CLYBL: variants seen among roughly 807,000 people sequenced by gnomAD.
CLYBL encodes citramalyl-CoA lyase.
Under a neutral mutation model 38.9 loss-of-function variants are expected in CLYBL, and 31 were observed. That is an observed-to-expected ratio of 0.80 (90% CI 0.60 to 1.08). The LOEUF is 1.08. Ranked by LOEUF, CLYBL falls within the 50% of genes least tolerant of loss-of-function variation. The pLI, the probability that CLYBL is intolerant of heterozygous loss-of-function variation, is 0.00. For missense variants in CLYBL, 434 were observed against 411.6 expected, an observed-to-expected ratio of 1.05 and a Z score of -0.47; for synonymous variants, 171 against 158.6, an observed-to-expected ratio of 1.08 and a Z score of -0.59.
At chr13:99,654,807 C>T (rs903274653) in intron 1 of CLYBL, among the ~76,000 whole-genome samples, 3 of 152,138 alleles carry the variant, frequency 2.0e-5, no homozygotes, top group African/African-American at 7.2e-5. Context: ...AGATCTAGAC[C>T]ATCCTGGCTA....
chr13:99,641,302 A>G (rs2047089689), intron 1 of CLYBL, among the ~76,000 whole-genome samples: 1 of 152,226 alleles, frequency 6.6e-6, no homozygotes, highest in South Asian at 2.1e-4. Flanking sequence ...AATCAAAGCT[A>G]TTTAAGTTTG....
intron 2 of CLYBL, among the ~76,000 whole-genome samples, chr13:99,804,573 T>A (rs1222772268): frequency 1.3e-5 from 2 of 152,120 alleles, no homozygotes; most frequent in Non-Finnish European, 2.9e-5. Flanking sequence ...AGCGAAAGGC[T>A]CCCTGCCCTG....
At chr13:99,813,703 A>C (rs540706378) in intron 2 of CLYBL, among the ~76,000 whole-genome samples, 1 of 152,344 alleles carries the variant, frequency 6.6e-6, no homozygotes, top group South Asian at 2.1e-4. Context: ...TATGAGGATT[A>C]AATCAGAATA....
intron 1 of CLYBL, among the ~76,000 whole-genome samples, chr13:99,608,620 G>T (rs1003158991): frequency 1.3e-5 from 2 of 152,036 alleles, no homozygotes; most frequent in Non-Finnish European, 2.9e-5. Flanking sequence ...TCCAGTGAGC[G>T]CACACAGTCC....
chr13:99,686,746 G>C (rs2047823799), intron 1 of CLYBL, among the ~76,000 whole-genome samples: 1 of 152,196 alleles, frequency 6.6e-6, no homozygotes, highest in South Asian at 2.1e-4. Flanking sequence ...TGGAAAACTT[G>C]ACGCAGATTC....
intron 2 of CLYBL, among the ~76,000 whole-genome samples, chr13:99,803,172 T>C (rs757180557): frequency 6.6e-6 from 1 of 152,186 alleles, no homozygotes; most frequent in Non-Finnish European, 1.5e-5. Context: ...CAGTGACAGA[T>C]GTGGAGTGGC....
At chr13:99,777,345 C>A (rs755044295) in intron 2 of CLYBL, among the ~76,000 whole-genome samples, 1 of 152,156 alleles carries the variant, frequency 6.6e-6, no homozygotes, top group Non-Finnish European at 1.5e-5. Flanking sequence ...CCCTCAATAC[C>A]TCCACCTAAC....
intron 8 of CLYBL, among the ~76,000 whole-genome samples, chr13:99,903,702 T>C (rs1215979159): frequency 6.6e-6 from 1 of 152,188 alleles, no homozygotes; most frequent in South Asian, 2.1e-4. Flanking sequence ...CTCCGTGAGG[T>C]TCGCGTCCCG....
intron 1 of CLYBL, among the ~76,000 whole-genome samples, chr13:99,611,013 CA>C (rs906562149): frequency 2.0e-5 from 3 of 152,198 alleles, no homozygotes; most frequent in African/African-American, 4.8e-5. Context: ...CAAGACAGGT[CA>C]AATAGTGACA....
chr13:99,797,040 A>T (rs1364896126), intron 2 of CLYBL, among the ~76,000 whole-genome samples: 1 of 152,204 alleles, frequency 6.6e-6, no homozygotes, highest in Non-Finnish European at 1.5e-5. Context: ...TGTGATCAAT[A>T]TATGGTAGCT....
chr13:99,863,896 T>C (rs998574937), intron 4 of CLYBL, among the ~76,000 whole-genome samples: 10 of 152,200 alleles, frequency 6.6e-5, no homozygotes, highest in Middle Eastern at 3.4e-3. Flanking sequence ...CGAACTGTAC[T>C]GGAGAGAGAA....
intron 2 of CLYBL, among the ~76,000 whole-genome samples, chr13:99,784,447 CTCTTTTTTT>C (rs1165833784): frequency 0.016 from 1,574 of 99,458 alleles, 18 homozygotes; most frequent in Non-Finnish European, 0.027. Context: ...GGAAAATTCT[CTCTTTTTTT>C]TTTTTTTTTT....
intron 1 of CLYBL, among the ~76,000 whole-genome samples, chr13:99,672,946 C>A (rs1390968519): frequency 2.0e-5 from 3 of 152,064 alleles, no homozygotes. Context: ...TCCATGCGCC[C>A]AATGGGTATT....
At chr13:99,659,054 C>T (rs1192492083) in intron 1 of CLYBL, among the ~76,000 whole-genome samples, 1 of 152,160 alleles carries the variant, frequency 6.6e-6, no homozygotes, top group African/African-American at 2.4e-5. Flanking sequence ...AAAGGTCTAA[C>T]TTTATATCAC....
chr13:99,867,357 C>T (rs1328989833), intron 6 of CLYBL, among the ~76,000 whole-genome samples: 1 of 152,066 alleles, frequency 6.6e-6, no homozygotes, highest in African/African-American at 2.4e-5. Flanking sequence ...CAGGCTTAAA[C>T]GTGAAAAATA....
chr13:99,871,193 C>A, intron 7 of CLYBL, 131 bp downstream of exon 7: 2 of 1,012,514 alleles, frequency 2.0e-6, no homozygotes, highest in Admixed American at 2.1e-5. Context: ...GGAGGGAACA[C>A]AACATTCACC....
rs541422633 is a variant in CLYBL, at chr13:99,701,711, G to A, written c.63-71113G>A. Among the ~76,000 whole-genome samples the A allele has an allele frequency of 2.2e-4, 33 of 152,210 alleles. 1 individual carries two copies. The South Asian group carries it at 5.2e-3, about 24-fold the overall frequency. On this transcript the variant is annotated intron_variant, in intron 1 of 8. Coordinates refer to ENST00000339105, the MANE Select transcript of CLYBL (RefSeq NM_206808.5). ...TATTTTTGAGACGAAGTCTCACTCT[G>A]TCACCCACTCTGGAGAGCAGGGGTG...
At chr13:99,895,261 G>A (rs1241768667), downstream of CLYBL, 1 of 146,608 alleles carries the variant, frequency 6.8e-6, no homozygotes, top group East Asian at 2.1e-4. Flanking sequence ...GTTTTAATTG[G>A]AAGGACCTTC....
At chr13:99,718,275 A>G (rs2048347149) in intron 1 of CLYBL, among the ~76,000 whole-genome samples, 1 of 152,094 alleles carries the variant, frequency 6.6e-6, no homozygotes, top group African/African-American at 2.4e-5. Flanking sequence ...GGCTTTTGCA[A>G]AAATAGGCAG....
Sources: allele counts gnomAD v4.1 joint callset (sites outside exome capture counted in the v4.1 genomes callset), GRCh38; gene constraint gnomAD v4.1.1; transcripts MANE v1.5; gene names NCBI Gene and HGNC (gene_info 2026-07-23, HGNC 2026-07-21).